Variants in PCNX1 observed in about 807,000 individuals in gnomAD.
The protein encoded by PCNX1 is pecanex-like protein 1.
A neutral mutation model predicts 242.2 loss-of-function variants in PCNX1; 78 were observed. That is an observed-to-expected ratio of 0.32 (90% CI 0.27 to 0.39). PCNX1 has a LOEUF of 0.39. Among genes scored for constraint, PCNX1 ranks in the 10% least tolerant of loss-of-function variants. The pLI is 1.00. For missense variants in PCNX1, 2,581 were observed against 2,856.5 expected (o/e 0.90, Z 2.20); for synonymous variants, 1,024 against 1,032.9 (o/e 0.99, Z 0.17).
intron 15 of PCNX1, 42 bp from the exon 16 acceptor site, chr14:71,028,658 A>G (rs371947084): frequency 1.7e-6 from 2 of 1,163,786 alleles, no homozygotes; most frequent in Non-Finnish European, 2.5e-6. Flanking sequence ...ATTTTCATAT[A>G]TTTTTATAAA....
Position 70,907,617 on chromosome 14 carries a change from C to T in PCNX1, c.-234C>T, listed in dbSNP as rs576179022. 39 of 288,046 alleles carry T rather than the reference C, an allele frequency of 1.4e-4. No homozygotes were observed. The East Asian group carries it at 2.0e-3, about 15-fold the overall frequency. The allele number at this position is 288,046 out of a possible 1,614,324, so 17.8% of individuals were successfully genotyped here. On this transcript the variant is annotated 5_prime_UTR_variant, in exon 1 of 36. Coordinates refer to ENST00000304743, the MANE Select transcript of PCNX1 (RefSeq NM_014982.3). The stretch of plus-strand genomic sequence containing the variant: ...CAGAAGGCCGGTCTCCTCCTCTCCG[C>T]CGTCCTCCGCCCCGCCGCTCGCCGC...
At chr14:71,037,859 C>A (rs1336842764) in intron 19 of PCNX1, among the ~76,000 whole-genome samples, 1 of 146,510 alleles carries the variant, frequency 6.8e-6, no homozygotes, top group Non-Finnish European at 1.5e-5. Context: ...CAGCATGGTA[C>A]TGGTACCAAA....
At chr14:71,042,064 A>T (rs1332066801) in intron 19 of PCNX1, among the ~76,000 whole-genome samples, 2 of 152,098 alleles carry the variant, frequency 1.3e-5, no homozygotes, top group Non-Finnish European at 2.9e-5. Flanking sequence ...TTCAATTTTT[A>T]AAAATTTGTT....
rs759782564 is a variant in PCNX1, at chr14:70,988,580, C to G, written c.2325C>G (p.Ser775Arg). Residue 775 changes from serine to arginine, a missense_variant, in exon 7 of 36, where the codon AGC becomes AGG. Around this residue, in one of 9 missense-constraint regions of PCNX1, gnomAD observed 1,204 missense variants for 1,216.7 expected, o/e 0.99. Transcript: ENST00000304743. ...GTCTTGATGCAGCAGCACAAGCCAG[C>G]GAGGAGGCAGTGTCATTTCGCCGTG... is the stretch of plus-strand genomic sequence containing the variant. Reference protein sequence around the residue: ...QDAVSGAAQASEEAVSFRRER... With the variant: ...QDAVSGAAQAREEAVSFRRER... 1 of 1,613,962 alleles carries G rather than the reference C, an allele frequency of 6.2e-7. No individual in the cohort carries two copies. The highest frequency in any genetic ancestry group is 1.1e-5 in the South Asian group (1 of 91,082).
At chr14:70,910,799 G>C (rs953686609) in intron 1 of PCNX1, among the ~76,000 whole-genome samples, 5 of 152,164 alleles carry the variant, frequency 3.3e-5, no homozygotes, top group Admixed American at 1.3e-4. Context: ...TTAGTGTAAA[G>C]CACATGTAGT....
chr14:70,947,412 G>T (rs576478178), intron 2 of PCNX1, among the ~76,000 whole-genome samples: 2 of 152,168 alleles, frequency 1.3e-5, no homozygotes, highest in African/African-American at 4.8e-5. Flanking sequence ...CTGAAGCCAT[G>T]GCAGAAGAAC....
At chr14:71,068,591 CGTGTGTGTGTGTGTGT>C (rs373964832) in intron 26 of PCNX1, among the ~76,000 whole-genome samples, 1 of 124,032 alleles carries the variant, frequency 8.1e-6, no homozygotes, top group East Asian at 2.2e-4. Context: ...TATGTACGTG[CGTGTGTGTGTGTGTGT>C]GTGTGTGTGT....
At chr14:71,039,836 G>A (rs561426994) in intron 19 of PCNX1, among the ~76,000 whole-genome samples, 16 of 152,172 alleles carry the variant, frequency 1.1e-4, no homozygotes, top group Non-Finnish European at 2.1e-4. Context: ...CTTAGGTGTT[G>A]TTCCTTAAGT....
Position 71,011,565 on chromosome 14 carries a change from T to A in PCNX1, c.2778+16T>A. ...ACATGATGTGGTAGGTTTTTCTTTA[T>A]TTTTACAACATGATAAATTTTCAGA... On this transcript the variant is annotated intron_variant, in intron 10 of 35. Transcript: ENST00000304743. 1 of 1,367,564 alleles carries A rather than the reference T, an allele frequency of 7.3e-7. No homozygotes were observed. Among genetic ancestry groups the A allele is most frequent in the South Asian group, 1.2e-5 (1 of 83,726 alleles). 84.7% of individuals were successfully genotyped at this position (1,367,564 alleles called of 1,614,324 possible).
intron 8 of PCNX1, among the ~76,000 whole-genome samples, chr14:70,999,939 T>C (rs1025175257): frequency 1.3e-5 from 2 of 152,198 alleles, no homozygotes; most frequent in South Asian, 4.1e-4. Flanking sequence ...GTCAGAGGAC[T>C]GTAAGGGATC....
chr14:71,071,147 G>C (rs1306384121), intron 26 of PCNX1, among the ~76,000 whole-genome samples: 3 of 152,158 alleles, frequency 2.0e-5, no homozygotes, highest in African/African-American at 7.2e-5. Context: ...AAGAATTGTA[G>C]AGAGTTAGAG....
chr14:71,102,536 A>G (rs2141834032), intron 31 of PCNX1, among the ~76,000 whole-genome samples: 1 of 152,232 alleles, frequency 6.6e-6, no homozygotes, highest in South Asian at 2.1e-4. Flanking sequence ...AAAGCTGTAC[A>G]ATTACAGGTG....
At position 71,108,660 on chromosome 14, in the gene PCNX1, C is replaced by T. The variant is rs539583285; in HGVS notation, c.6358C>T (p.Arg2120Trp). Reference sequence around the variant, plus strand: ...GGGCCTGGTCAGACAGTCTCCTGCCCGGGCCTCAGTAGCCAGCCAGTCTTC... The same window carrying T: ...GGGCCTGGTCAGACAGTCTCCTGCCTGGGCCTCAGTAGCCAGCCAGTCTTC... ...QSGLVRQSPA[R>W]ASVASQSSYC... The change falls in exon 34 of 36, where the codon CGG (arginine) becomes TGG (tryptophan). Residue 2120 changes from arginine to tryptophan, a missense_variant. Physicochemically the swap from Arg to Trp is moderately radical, Grantham distance 101. This residue lies in a region of PCNX1 where 432 missense variants were observed against 433.6 expected (regional missense o/e 1.00). Transcript: ENST00000304743. 8.1e-5 allele frequency: 130 copies of T among 1,614,060 alleles called. No individual in the cohort carries two copies. The highest frequency in any genetic ancestry group is 1.1e-4 in the Non-Finnish European group (127 of 1,180,030).
chr14:71,038,721 G>A (rs78891350), intron 19 of PCNX1, among the ~76,000 whole-genome samples: 1 of 151,806 alleles, frequency 6.6e-6, no homozygotes, highest in African/African-American at 2.4e-5. Context: ...TCCATTACTG[G>A]GTATATACCC....
chr14:70,976,372 CTTT>C lies in PCNX1; in HGVS notation c.605-554_605-552del, dbSNP rs869087088. 5.3e-4 allele frequency among the ~76,000 whole-genome samples: 44 copies of C among 82,674 alleles called. 1 individual carries two copies. The East Asian group carries it at 0.013, about 25-fold the overall frequency. 54.2% of individuals were successfully genotyped at this position (82,674 alleles called of 152,430 possible). A position where few individuals can be genotyped will look rare whatever the true frequency, so the allele number is the denominator to read the frequency against. ...TTTGTTGCTCTTTCTTTCTTTCTTT[CTTT>C]TTTTTTTTTTTTTTTGAGACAGAGT... On this transcript the variant is annotated intron_variant, in intron 5 of 35. Coordinates refer to ENST00000304743, the MANE Select transcript of PCNX1 (RefSeq NM_014982.3).
Position 71,057,685 on chromosome 14 carries a change from G to A in PCNX1, c.4813G>A (p.Gly1605Ser). Reference sequence around the variant, plus strand: ...AGTACACCTTATAGAGATAGGCAATGGTCTGGTCACTTTTCAGCTGCGGGG... The same window carrying A: ...AGTACACCTTATAGAGATAGGCAATAGTCTGGTCACTTTTCAGCTGCGGGG... ...ALVHLIEIGN[G>S]LVTFQLRGLE... is the part of the protein sequence containing the mutation. Residue 1605 changes from glycine to serine, a missense_variant, in exon 26 of 36, where the codon GGT becomes AGT. Coordinates refer to ENST00000304743, the MANE Select transcript of PCNX1 (RefSeq NM_014982.3). 1.2e-6 allele frequency: 2 copies of A among 1,613,904 alleles called. No individual in the cohort carries two copies. Among genetic ancestry groups the A allele is most frequent in the Non-Finnish European group, 1.7e-6 (2 of 1,179,866 alleles).
chr14:71,049,362 T>G (rs1033793990), intron 22 of PCNX1, among the ~76,000 whole-genome samples: 1 of 152,166 alleles, frequency 6.6e-6, no homozygotes, highest in Admixed American at 6.5e-5. Context: ...TGATAATCAG[T>G]AATATTCAAG....
At chr14:71,002,410 G>A (rs1481109855) in intron 8 of PCNX1, among the ~76,000 whole-genome samples, 3 of 152,136 alleles carry the variant, frequency 2.0e-5, no homozygotes, top group African/African-American at 7.2e-5. Context: ...TCTGTTAAAT[G>A]TATACAATTC....
intron 19 of PCNX1, among the ~76,000 whole-genome samples, chr14:71,043,052 G>A (rs2141066504): frequency 6.6e-6 from 1 of 152,108 alleles, no homozygotes; most frequent in Non-Finnish European, 1.5e-5. Context: ...ATTTTTGAAG[G>A]ATAAAGCTTT....
Sources: allele counts gnomAD v4.1 joint callset (sites outside exome capture counted in the v4.1 genomes callset), GRCh38; gene constraint gnomAD v4.1.1; regional missense constraint gnomAD v4.1.1; transcripts MANE v1.5; gene names NCBI Gene and HGNC (gene_info 2026-07-23, HGNC 2026-07-21).